Variants in KIAA1217 observed in about 807,000 individuals in gnomAD.
KIAA1217 encodes the protein KIAA1217.
In KIAA1217, 88 loss-of-function variants were observed where a neutral mutation model predicts 163.9. The ratio of observed to expected loss-of-function variants is 0.54; its 90% CI spans 0.45 to 0.64. The LOEUF is 0.64. KIAA1217 is among the 30% of genes least tolerant of loss of function. The pLI, the probability that KIAA1217 is intolerant of heterozygous loss-of-function variation, is 0.00. For synonymous variants in KIAA1217, 903 were observed against 923.1 expected (o/e 0.98, Z 0.39); for missense variants, 2,372 against 2,475.0 (o/e 0.96, Z 0.88).
rs1014376086 is a variant in KIAA1217 at position 23,933,716 on chromosome 10, AAGAGG to A, written c.-320-73508_-320-73504del. Among the ~76,000 whole-genome samples the A allele has an allele frequency of 3.9e-5, 6 of 152,172 alleles. No homozygotes were observed. The East Asian group carries it at 9.6e-4, about 24-fold the overall frequency. On this transcript the variant is annotated intron_variant, in intron 1 of 18. Transcript: ENST00000376462. ...TAAAAGAAAAAAAAATCCCATCAAA[AAGAGG>A]GCAAAGGATATGAACTGACACTTCT... is the stretch of plus-strand genomic sequence containing the variant.
chr10:24,372,608 C>T (rs996390156), intron 2 of KIAA1217, among the ~76,000 whole-genome samples: 3 of 152,114 alleles, frequency 2.0e-5, no homozygotes, highest in Non-Finnish European at 2.9e-5. Flanking sequence ...ACCCATGTAA[C>T]AAACCTGCAC....
At chr10:23,912,517 C>G (rs2131271981) in intron 1 of KIAA1217, among the ~76,000 whole-genome samples, 1 of 152,186 alleles carries the variant, frequency 6.6e-6, no homozygotes, top group East Asian at 1.9e-4. Flanking sequence ...TCCCCAGTGT[C>G]TGTTATTACT....
intron 1 of KIAA1217, among the ~76,000 whole-genome samples, chr10:23,933,772 C>T (rs755606694): frequency 2.0e-5 from 3 of 151,946 alleles, no homozygotes; most frequent in Non-Finnish European, 4.4e-5. Context: ...ACACAACCAA[C>T]AAACATATAA....
At chr10:23,991,082 A>G (rs7101307) in intron 1 of KIAA1217, among the ~76,000 whole-genome samples, 87,266 of 152,064 alleles carry the variant, frequency 0.57, 27,780 homozygotes, top group African/African-American at 0.86. Context: ...CTTAAATGAC[A>G]TTTAGAGCCA....
At position 24,275,895 on chromosome 10, in the gene KIAA1217, TC is replaced by T. The variant is rs559924850; in HGVS notation, c.354+55987del. On this transcript the variant is annotated intron_variant, in intron 2 of 20. Transcript: ENST00000376454. ...AGGGCCCTGGCCATCAGTTCTCCCT[TC>T]TGGTCCTGATATTCCTTTTTAAACT... 386 of 435,838 alleles carry T rather than the reference TC, an allele frequency of 8.9e-4. 1 individual carries two copies. The highest frequency in any genetic ancestry group is 1.5e-3 in the Non-Finnish European group (319 of 216,168). The allele number at this position is 435,838 out of a possible 1,614,324, so 27.0% of individuals were successfully genotyped here. A position where few individuals can be genotyped will look rare whatever the true frequency, so the allele number is the denominator to read the frequency against.
intron 6 of KIAA1217, among the ~76,000 whole-genome samples, chr10:24,492,600 T>C (rs1328866249): frequency 1.3e-5 from 2 of 152,198 alleles, no homozygotes. Context: ...AAACTCAGTA[T>C]TGTGACAGAC....
chr10:24,512,038 C>A (rs181133758), intron 9 of KIAA1217, among the ~76,000 whole-genome samples: 24 of 152,290 alleles, frequency 1.6e-4, no homozygotes. Flanking sequence ...GGAAATCGAA[C>A]CCAGGCAGTC....
At chr10:23,765,251 G>C (rs1050519862) in intron 1 of KIAA1217, among the ~76,000 whole-genome samples, 5 of 131,452 alleles carry the variant, frequency 3.8e-5, no homozygotes, top group African/African-American at 1.5e-4. Flanking sequence ...CTGGAGTGCA[G>C]TGGCGCGATC....
At chr10:24,077,005 T>C (rs1392702107) in intron 2 of KIAA1217, among the ~76,000 whole-genome samples, 2 of 151,782 alleles carry the variant, frequency 1.3e-5, no homozygotes, top group Non-Finnish European at 2.9e-5. Flanking sequence ...GCCTCCCAAG[T>C]AGCAGGGATT....
At chr10:23,749,343 C>G (rs924221975) in intron 1 of KIAA1217, among the ~76,000 whole-genome samples, 1 of 152,118 alleles carries the variant, frequency 6.6e-6, no homozygotes, top group Non-Finnish European at 1.5e-5. Context: ...TCCTATGTCT[C>G]TTTCTCCAAC....
rs185724971 is a variant in KIAA1217 at position 23,908,911 on chromosome 10, C to T, written c.-320-98314C>T. ...GGTGTATACCTTGAGGAAAAGAAGACATTATACAAAGAAGATGCACAATTG... is the reference window on the plus strand; with the variant it reads ...GGTGTATACCTTGAGGAAAAGAAGATATTATACAAAGAAGATGCACAATTG... On this transcript the variant is annotated intron_variant, in intron 1 of 18. Coordinates refer to the KIAA1217 transcript ENST00000376462. 4.4e-3 allele frequency among the ~76,000 whole-genome samples: 668 copies of T among 152,070 alleles called. 6 individuals are homozygous for T. Among genetic ancestry groups the T allele is most frequent in the South Asian group, 0.022 (104 of 4,810 alleles).
intron 1 of KIAA1217, among the ~76,000 whole-genome samples, chr10:23,776,787 T>C (rs931672674): frequency 6.6e-6 from 1 of 151,352 alleles, no homozygotes; most frequent in Non-Finnish European, 1.5e-5. Context: ...TTCAAACAAT[T>C]CTTGTGCCTC....
At chr10:23,704,229 A>G (rs1316292196) in intron 1 of KIAA1217, among the ~76,000 whole-genome samples, 1 of 129,864 alleles carries the variant, frequency 7.7e-6, no homozygotes, top group Non-Finnish European at 1.6e-5. Context: ...TCAGTGGTAA[A>G]TAAGGAGAAA....
intron 1 of KIAA1217, 103 bp downstream of exon 1, chr10:24,209,366 A>G: frequency 1.2e-6 from 1 of 834,348 alleles, no homozygotes; most frequent in Non-Finnish European, 1.9e-6. Flanking sequence ...AAAGGAAAAA[A>G]AAAAAAAAGG....
At chr10:23,736,073 A>G (rs749020870) in intron 1 of KIAA1217, among the ~76,000 whole-genome samples, 36 of 152,206 alleles carry the variant, frequency 2.4e-4, no homozygotes, top group Non-Finnish European at 3.8e-4. Flanking sequence ...AGTGTATGAG[A>G]GTTTCATCAT....
chr10:24,433,961 T>G (rs758265102), intron 4 of KIAA1217, among the ~76,000 whole-genome samples: 1 of 151,024 alleles, frequency 6.6e-6, no homozygotes, highest in Non-Finnish European at 1.5e-5. Context: ...GGACTCCTGC[T>G]ATTGATGGGA....
intron 2 of KIAA1217, among the ~76,000 whole-genome samples, chr10:24,278,438 G>A (rs536968183): frequency 6.6e-6 from 1 of 152,340 alleles, no homozygotes; most frequent in South Asian, 2.1e-4. Flanking sequence ...ACCTTCATCT[G>A]TGAAGTGTCC....
At chr10:24,160,496 T>G (rs1564772100) in intron 2 of KIAA1217, among the ~76,000 whole-genome samples, 1 of 152,184 alleles carries the variant, frequency 6.6e-6, no homozygotes, top group Non-Finnish European at 1.5e-5. Flanking sequence ...AATGGTATTT[T>G]TTTCTTAATT....
intron 1 of KIAA1217, among the ~76,000 whole-genome samples, chr10:23,850,931 A>G (rs1839279399): frequency 6.6e-6 from 1 of 152,064 alleles, no homozygotes; most frequent in African/African-American, 2.4e-5. Flanking sequence ...CTCACTATCA[A>G]TGAGAACAGC....
Sources: gnomAD v4.1 joint callset for allele counts (sites outside exome capture counted in the v4.1 genomes callset) on GRCh38, gnomAD v4.1.1 for gene constraint, MANE v1.5 for transcripts, NCBI Gene and HGNC (gene_info 2026-07-23, HGNC 2026-07-21) for gene names.